The following MAGI2 variants were observed in gnomAD, a reference collection of about 807,000 sequenced individuals.
The protein encoded by MAGI2 is membrane associated guanylate kinase, WW and PDZ domain containing 2.
A neutral mutation model predicts 133.3 loss-of-function variants in MAGI2; 35 were observed. That is an observed-to-expected ratio of 0.26 (90% CI 0.20 to 0.35). MAGI2 has a LOEUF of 0.35. Ranked by LOEUF, MAGI2 falls within the 10% of genes least tolerant of loss-of-function variation. MAGI2 has a pLI of 1.00. For synonymous variants in MAGI2, 729 were observed against 710.6 expected, an observed-to-expected ratio of 1.03 and a Z score of -0.41; for missense variants, 1,636 against 1,863.4, an observed-to-expected ratio of 0.88 and a Z score of 2.25.
chr7:79,049,536 T>C (rs1216871908), intron 1 of MAGI2, among the ~76,000 whole-genome samples: 2 of 152,192 alleles, frequency 1.3e-5, no homozygotes, highest in African/African-American at 2.4e-5. Flanking sequence ...CTAAATTCCT[T>C]GATTAATCCA....
chr7:78,464,846 C>G (rs1214868672), intron 6 of MAGI2, among the ~76,000 whole-genome samples: 1 of 151,530 alleles, frequency 6.6e-6, no homozygotes, highest in African/African-American at 2.4e-5. Flanking sequence ...CATTATTCAG[C>G]TTTAAGAAAT....
intron 6 of MAGI2, among the ~76,000 whole-genome samples, chr7:78,444,896 T>A (rs943394093): frequency 6.1e-5 from 9 of 146,378 alleles, no homozygotes; most frequent in Non-Finnish European, 1.2e-4. Flanking sequence ...TACATATGTG[T>A]GTATATATAC....
chr7:78,479,887 C>T (rs1269968760), intron 6 of MAGI2, among the ~76,000 whole-genome samples: 1 of 151,710 alleles, frequency 6.6e-6, no homozygotes, highest in African/African-American at 2.4e-5. Flanking sequence ...AACAAAAAAT[C>T]TCAGTAAAGA....
At chr7:78,647,384 A>T (rs1811010185) in intron 2 of MAGI2, among the ~76,000 whole-genome samples, 2 of 152,228 alleles carry the variant, frequency 1.3e-5, no homozygotes, top group South Asian at 4.1e-4. Flanking sequence ...GCCCACAGAC[A>T]TATGAAAAAA....
chr7:79,433,632 G>A (rs991441559), intron 1 of MAGI2, among the ~76,000 whole-genome samples: 1 of 152,078 alleles, frequency 6.6e-6, no homozygotes, highest in African/African-American at 2.4e-5. Context: ...GACAGTACAT[G>A]TGACTAGAAC....
chr7:78,593,347 G>C (rs899928350), intron 3 of MAGI2, among the ~76,000 whole-genome samples: 9 of 151,906 alleles, frequency 5.9e-5, no homozygotes, highest in African/African-American at 2.2e-4. Flanking sequence ...AGCTGAGATC[G>C]CACTACTGCA....
chr7:78,789,390 G>A (rs539732249), intron 2 of MAGI2, among the ~76,000 whole-genome samples: 2 of 152,206 alleles, frequency 1.3e-5, no homozygotes, highest in African/African-American at 4.8e-5. Context: ...TCCTCTTACT[G>A]GTGCATGCTT....
At chr7:78,580,336 T>C (rs1393720482) in intron 3 of MAGI2, among the ~76,000 whole-genome samples, 1 of 152,328 alleles carries the variant, frequency 6.6e-6, no homozygotes, top group East Asian at 1.9e-4. Context: ...TGGCCCTCTG[T>C]GCTACAGTTC....
At chr7:78,499,139 A>C (rs899794454) in intron 5 of MAGI2, among the ~76,000 whole-genome samples, 3 of 152,190 alleles carry the variant, frequency 2.0e-5, no homozygotes, top group Admixed American at 6.5e-5. Context: ...CAGTGAAACG[A>C]AAACTAAGAT....
chr7:78,690,872 C>T (rs764442240), intron 2 of MAGI2, among the ~76,000 whole-genome samples: 1 of 152,158 alleles, frequency 6.6e-6, no homozygotes, highest in Non-Finnish European at 1.5e-5. Flanking sequence ...AAAATGGTAT[C>T]AGAATTCCTT....
At chr7:78,283,883 TTTAATTTATG>T (rs1386516806) in intron 9 of MAGI2, among the ~76,000 whole-genome samples, 1 of 152,182 alleles carries the variant, frequency 6.6e-6, no homozygotes, top group Non-Finnish European at 1.5e-5. Context: ...ATGTATTCTA[TTTAATTTATG>T]TTAATAGGCC....
chr7:78,093,513 T>C (rs1817432798), intron 20 of MAGI2, among the ~76,000 whole-genome samples: 1 of 151,566 alleles, frequency 6.6e-6, no homozygotes, highest in African/African-American at 2.4e-5. Context: ...ACCTAACATA[T>C]GTAGAATATT....
chr7:79,213,171 T>A (rs180719965), intron 1 of MAGI2, among the ~76,000 whole-genome samples: 1 of 151,762 alleles, frequency 6.6e-6, no homozygotes, highest in African/African-American at 2.4e-5. Context: ...CTGTATATAT[T>A]TTCTGTATAG....
At chr7:78,999,239 A>G (rs1584626914) in intron 2 of MAGI2, among the ~76,000 whole-genome samples, 2 of 152,312 alleles carry the variant, frequency 1.3e-5, no homozygotes, top group Middle Eastern at 6.8e-3. Flanking sequence ...CAATCAAGTC[A>G]GGGCAAAGGG....
At chr7:78,281,195 A>AT (rs1258402812) in intron 9 of MAGI2, among the ~76,000 whole-genome samples, 2 of 152,102 alleles carry the variant, frequency 1.3e-5, no homozygotes, top group African/African-American at 4.8e-5. Context: ...TAATAGGCAT[A>AT]TTTTGTTGTT....
intron 6 of MAGI2, among the ~76,000 whole-genome samples, chr7:78,451,020 G>A (rs1229637133): frequency 6.6e-6 from 1 of 152,078 alleles, no homozygotes; most frequent in African/African-American, 2.4e-5. Context: ...GGTAGTAGTA[G>A]TAGTGAAATG....
At chr7:78,598,342 T>C (rs1371138548) in intron 3 of MAGI2, among the ~76,000 whole-genome samples, 1 of 152,014 alleles carries the variant, frequency 6.6e-6, no homozygotes. Context: ...AAGGAGTTAG[T>C]CTGGTACGGG....
intron 2 of MAGI2, among the ~76,000 whole-genome samples, chr7:78,727,258 A>G (rs12539657): frequency 0.044 from 6,730 of 151,822 alleles, 222 homozygotes; most frequent in Non-Finnish European, 0.068. Flanking sequence ...TGTGGTATGG[A>G]AGAGAGAGAG....
At chr7:78,571,417 A>G (rs1005471260) in intron 3 of MAGI2, among the ~76,000 whole-genome samples, 54 of 152,334 alleles carry the variant, frequency 3.5e-4, no homozygotes, top group Middle Eastern at 3.4e-3. Flanking sequence ...AAGCAATGAC[A>G]GCATCCAAAT....
Sources: allele counts gnomAD v4.1 joint callset (sites outside exome capture counted in the v4.1 genomes callset), GRCh38; gene constraint gnomAD v4.1.1; transcripts MANE v1.5; gene names NCBI Gene and HGNC (gene_info 2026-07-23, HGNC 2026-07-21).